AVL9: variants seen among roughly 807,000 people sequenced by gnomAD.
AVL9 encodes the protein late secretory pathway protein AVL9 homolog.
AVL9 carries 49 observed loss-of-function variants against 79.2 expected under a neutral mutation model. That is an observed-to-expected ratio of 0.62 (90% confidence interval 0.49 to 0.79). AVL9 has a LOEUF of 0.79. Ranked by LOEUF, AVL9 falls within the 30% of genes least tolerant of loss-of-function variation. The probability of loss-of-function intolerance (pLI) is 0.00; values close to 1 mark genes in which losing one functional copy is unlikely to be tolerated. For synonymous variants in AVL9, 299 were observed against 280.6 expected, an observed-to-expected ratio of 1.07 and a Z score of -0.65; for missense variants, 682 against 776.8, an observed-to-expected ratio of 0.88 and a Z score of 1.45.
At position 32,579,433 on chromosome 7, in the gene AVL9, TATATTATATATA is replaced by T. The variant is rs1791287425; in HGVS notation, c.1689-781_1689-770del. On this transcript the variant is annotated intron_variant, in intron 13 of 15. Transcript: ENST00000318709. ...TATAATATGTTATATATATAATATATATATTATATATAATATATTATATATTATATATAATAT... is the reference window on the plus strand; with the variant it reads ...TATAATATGTTATATATATAATATATATATATTATATATTATATATAATAT... Among the ~76,000 whole-genome samples the T allele has an allele frequency of 6.6e-4, 2 of 3,030 alleles. 1 individual carries two copies. Among genetic ancestry groups the T allele is most frequent in the African/African-American group, 1.9e-3 (2 of 1,052 alleles). 2.0% of individuals were successfully genotyped at this position (3,030 alleles called of 152,430 possible). A position where few individuals can be genotyped will look rare whatever the true frequency, so the allele number is the denominator to read the frequency against.
intron 1 of AVL9, among the ~76,000 whole-genome samples, chr7:32,523,508 CTTTTTTTTT>C (rs70992725): frequency 2.5e-5 from 2 of 79,262 alleles, no homozygotes; most frequent in South Asian, 5.5e-4. Context: ...TATAAATTTC[CTTTTTTTTT>C]TTTTTTTTTT....
chr7:32,542,417 G>C lies in AVL9; in HGVS notation c.94-724G>C, dbSNP rs902760421. ...AAAAAAAAAAAAAAATTAGCCGAGC[G>C]TGGTGGCACACGCCTGTAATCCCAG... On this transcript the variant is annotated intron_variant, in intron 1 of 15. Transcript: ENST00000318709. Among the ~76,000 whole-genome samples the C allele has an allele frequency of 1.1e-4, 17 of 151,252 alleles. 1 individual carries two copies. Among genetic ancestry groups the C allele is most frequent in the Admixed American group, 5.9e-4 (9 of 15,156 alleles).
At chr7:32,499,481 G>A (rs1002495025) in intron 1 of AVL9, among the ~76,000 whole-genome samples, 1 of 151,864 alleles carries the variant, frequency 6.6e-6, no homozygotes, top group East Asian at 1.9e-4. Context: ...CCACTTTTCT[G>A]ATAGTTTATT....
At chr7:32,559,730 T>A (rs17161413) in intron 10 of AVL9, among the ~76,000 whole-genome samples, 15,545 of 152,156 alleles carry the variant, frequency 0.1, 944 homozygotes, top group African/African-American at 0.17. Flanking sequence ...GGTCTATTTT[T>A]AATTATTCAG....
At chr7:32,523,733 TTTC>T (rs1418275969) in intron 1 of AVL9, among the ~76,000 whole-genome samples, 1 of 96,776 alleles carries the variant, frequency 1.0e-5, no homozygotes, top group Non-Finnish European at 2.3e-5. Flanking sequence ...TTTCTTTTCT[TTTC>T]TTTTTTTTTT....
rs1393742907 is a variant in AVL9 at position 32,579,512 on chromosome 7, T to TTATATTA, written c.1689-689_1689-683dup. On this transcript the variant is annotated intron_variant, in intron 13 of 15. Coordinates refer to ENST00000318709, the MANE Select transcript of AVL9 (RefSeq NM_015060.3). ...TATATTACATATTATATATTATATA[T>TTATATTA]TATATTATATATTATATATTATATT... 5.0e-4 allele frequency among the ~76,000 whole-genome samples: 2 copies of TTATATTA among 4,018 alleles called. 1 individual carries two copies. Among genetic ancestry groups the TTATATTA allele is most frequent in the African/African-American group, 2.4e-3 (2 of 820 alleles). The allele number at this position is 4,018 out of a possible 152,430, so 2.6% of individuals were successfully genotyped here.
chr7:32,555,630 G>A (rs1360451510), intron 8 of AVL9, among the ~76,000 whole-genome samples: 2 of 152,224 alleles, frequency 1.3e-5, no homozygotes, highest in Non-Finnish European at 2.9e-5. Context: ...GAGTTGAGTA[G>A]TTGTGACAGA....
At chr7:32,504,479 C>A (rs911896570) in intron 1 of AVL9, among the ~76,000 whole-genome samples, 2 of 152,070 alleles carry the variant, frequency 1.3e-5, no homozygotes, top group Non-Finnish European at 2.9e-5. Context: ...CTGATAAATT[C>A]TCTCTTATCT....
At chr7:32,575,086 C>A (rs972409415) in intron 12 of AVL9, among the ~76,000 whole-genome samples, 1 of 103,362 alleles carries the variant, frequency 9.7e-6, no homozygotes, top group Non-Finnish European at 2.0e-5. Context: ...TCTTTTAAGA[C>A]TTTTTTTGTT....
chr7:32,503,371 T>TACACACACACACAC (rs1210453572), intron 1 of AVL9, among the ~76,000 whole-genome samples: 1 of 105,162 alleles, frequency 9.5e-6, no homozygotes, highest in Non-Finnish European at 1.8e-5. Context: ...GATATATATA[T>TACACACACACACAC]ATACACACAC....
chr7:32,568,483 G>A (rs1260796584), intron 10 of AVL9, among the ~76,000 whole-genome samples: 2 of 152,170 alleles, frequency 1.3e-5, no homozygotes, highest in East Asian at 1.9e-4. Flanking sequence ...TTACAGGCAT[G>A]AGCCACCATG....
intron 1 of AVL9, among the ~76,000 whole-genome samples, chr7:32,516,152 T>C (rs1034343217): frequency 6.6e-6 from 1 of 152,226 alleles, no homozygotes; most frequent in African/African-American, 2.4e-5. Context: ...TTACATTACC[T>C]CACCTCTTTG....
chr7:32,558,339 G>A (rs1424171255), intron 8 of AVL9, among the ~76,000 whole-genome samples: 1 of 151,666 alleles, frequency 6.6e-6, no homozygotes, highest in Non-Finnish European at 1.5e-5. Flanking sequence ...TTGTATTTTA[G>A]TAGAGACGGG....
chr7:32,579,829 G>T (rs949038986), intron 13 of AVL9, among the ~76,000 whole-genome samples: 1 of 150,370 alleles, frequency 6.7e-6, no homozygotes, highest in African/African-American at 2.5e-5. Flanking sequence ...ATCAAGGTAT[G>T]ATCTATGACC....
At chr7:32,553,341 G>A (rs2128139145) in intron 6 of AVL9, among the ~76,000 whole-genome samples, 1 of 152,242 alleles carries the variant, frequency 6.6e-6, no homozygotes, top group Non-Finnish European at 1.5e-5. Flanking sequence ...TTTATAGAAT[G>A]GGGAAATGTG....
intron 13 of AVL9, among the ~76,000 whole-genome samples, chr7:32,578,053 C>T (rs1791179139): frequency 6.6e-6 from 1 of 152,146 alleles, no homozygotes; most frequent in Non-Finnish European, 1.5e-5. Flanking sequence ...AGTTTATATA[C>T]ATACCATCTT....
Position 32,503,474 on chromosome 7 carries a change from C to T in AVL9, c.93+7672C>T, listed in dbSNP as rs527551580. On this transcript the variant is annotated intron_variant, in intron 1 of 15. Coordinates refer to ENST00000318709, the MANE Select transcript of AVL9 (RefSeq NM_015060.3). ...TCGGGAGGCTGAGGCAGGAGAATCG[C>T]TTGAACCTGGGAGGCAGAGGTTGCA... Among the ~76,000 whole-genome samples the T allele has an allele frequency of 2.8e-5, 4 of 144,906 alleles. No individual in the cohort carries two copies. In the South Asian group the frequency reaches 9.2e-4, roughly 33 times the overall value.
At position 32,559,407 on chromosome 7, in the gene AVL9, G is replaced by A. The variant is rs755533159; in HGVS notation, c.1158G>A (p.Gly386=). 2 of 1,608,432 alleles carry A rather than the reference G, an allele frequency of 1.2e-6. No homozygotes were observed. ...CGGGACAGGTAGTCCTGATACCAGG[G>A]CTCATTTCGGGTTTGGAAGAGGATC... is the stretch of plus-strand genomic sequence containing the variant. ...ANTGQVVLIP[G]LISGLEEDQY... Residue 386 remains glycine (G), a synonymous_variant, in exon 10 of 16, where the codon GGG becomes GGA. Transcript: ENST00000318709.
chr7:32,578,738 G>C (rs1246614857), intron 13 of AVL9, among the ~76,000 whole-genome samples: 4 of 152,122 alleles, frequency 2.6e-5, no homozygotes, highest in Non-Finnish European at 4.4e-5. Context: ...GAACCTGGGA[G>C]GCAGGTTGCA....
Sources: allele counts gnomAD v4.1 joint callset (sites outside exome capture counted in the v4.1 genomes callset), GRCh38; gene constraint gnomAD v4.1.1; transcripts MANE v1.5; gene names NCBI Gene and HGNC (gene_info 2026-07-23, HGNC 2026-07-21).